The following NEK7 variants were observed in gnomAD, a reference collection of about 807,000 sequenced individuals.
The protein encoded by NEK7 is NIMA related kinase 7, also known as serine/threonine-protein kinase Nek7.
NEK7 carries 18 observed loss-of-function variants against 44.6 expected under a neutral mutation model. The observed-to-expected ratio is 0.40, with a 90% confidence interval of 0.28 to 0.60. The LOEUF (loss-of-function observed/expected upper bound fraction) is 0.60, where lower values mean the gene tolerates loss of function less well. NEK7 is among the 20% of genes least tolerant of loss of function. The probability of loss-of-function intolerance (pLI) is 0.38; values close to 1 mark genes in which losing one functional copy is unlikely to be tolerated. For synonymous variants in NEK7, 130 were observed against 121.1 expected, an observed-to-expected ratio of 1.07 and a Z score of -0.48; for missense variants, 256 against 366.5, an observed-to-expected ratio of 0.70 and a Z score of 2.46.
chr1:198,301,559 C>T (rs1464419580), intron 9 of NEK7, among the ~76,000 whole-genome samples: 1 of 152,118 alleles, frequency 6.6e-6, no homozygotes, highest in East Asian at 1.9e-4. Flanking sequence ...CAAAAACAAA[C>T]AAACAAAAAA....
intron 2 of NEK7, among the ~76,000 whole-genome samples, chr1:198,233,104 A>G (rs1403606815): frequency 6.6e-6 from 1 of 151,590 alleles, no homozygotes; most frequent in Middle Eastern, 3.4e-3. Context: ...AAAAAAAAAA[A>G]AGGTGAGACT....
chr1:198,225,841 T>A (rs576635663), intron 1 of NEK7, among the ~76,000 whole-genome samples: 8 of 152,282 alleles, frequency 5.3e-5, no homozygotes, highest in African/African-American at 1.9e-4. Context: ...TTTGGGGAGT[T>A]TTTTTTGTTT....
intron 1 of NEK7, among the ~76,000 whole-genome samples, chr1:198,170,141 T>C (rs997642124): frequency 1.3e-5 from 2 of 152,230 alleles, no homozygotes; most frequent in African/African-American, 2.4e-5. Flanking sequence ...GAATGGTCAC[T>C]GTCAGGATAT....
At chr1:198,198,954 A>G (rs1015509814) in intron 1 of NEK7, among the ~76,000 whole-genome samples, 3 of 152,204 alleles carry the variant, frequency 2.0e-5, no homozygotes, top group African/African-American at 4.8e-5. Context: ...TAATAATTGC[A>G]CTACTGCTTA....
intron 2 of NEK7, among the ~76,000 whole-genome samples, chr1:198,236,780 A>G (rs565592679): frequency 3.3e-5 from 5 of 152,126 alleles, no homozygotes; most frequent in Admixed American, 3.3e-4. Context: ...CCGTGCTACT[A>G]TGCTATTACT....
At chr1:198,232,200 T>G (rs1482925920) in intron 1 of NEK7, among the ~76,000 whole-genome samples, 1 of 152,130 alleles carries the variant, frequency 6.6e-6, no homozygotes. Flanking sequence ...TGTAAAACAT[T>G]GAGCATAATT....
intron 1 of NEK7, among the ~76,000 whole-genome samples, chr1:198,160,683 TC>T (rs1486179876): frequency 3.3e-5 from 5 of 152,112 alleles, no homozygotes. Context: ...AATTTAATTC[TC>T]CCCCCTCCAC....
At chr1:198,314,424 C>T (rs1249768620) in intron 9 of NEK7, among the ~76,000 whole-genome samples, 1 of 152,244 alleles carries the variant, frequency 6.6e-6, no homozygotes, top group Non-Finnish European at 1.5e-5. Context: ...AAGTCTTCTT[C>T]TCTCAGCTTG....
chr1:198,198,095 G>A, intron 1 of NEK7: 1 of 1,378,992 alleles, frequency 7.3e-7, no homozygotes. Flanking sequence ...TGGATTGATA[G>A]GTGGTGGGTG....
At chr1:198,241,206 T>G (rs1366219612) in intron 2 of NEK7, among the ~76,000 whole-genome samples, 1 of 152,258 alleles carries the variant, frequency 6.6e-6, no homozygotes, top group Admixed American at 6.5e-5. Flanking sequence ...ATATTTTGTC[T>G]TCCTTTATAT....
At chr1:198,295,752 A>G (rs934017243) in intron 8 of NEK7, among the ~76,000 whole-genome samples, 12 of 151,454 alleles carry the variant, frequency 7.9e-5, no homozygotes, top group Non-Finnish European at 1.6e-4. Context: ...TTATATATAC[A>G]GTGTATTTTT....
chr1:198,299,038 A>T (rs1261774621), intron 9 of NEK7, among the ~76,000 whole-genome samples: 1 of 152,236 alleles, frequency 6.6e-6, no homozygotes, highest in African/African-American at 2.4e-5. Context: ...AATAGATTCC[A>T]CTTTTTACTT....
chr1:198,158,365 A>G (rs1348622070), intron 1 of NEK7, among the ~76,000 whole-genome samples: 10 of 152,218 alleles, frequency 6.6e-5, no homozygotes, highest in Admixed American at 5.9e-4. Context: ...TGTAGAGCCT[A>G]ATGTACCCAT....
intron 2 of NEK7, 37 bp from the exon 3 acceptor site, chr1:198,253,001 TTG>T (rs781154737): frequency 1.3e-6 from 2 of 1,569,724 alleles, no homozygotes; most frequent in African/African-American, 2.7e-5. Flanking sequence ...TGCGTGTATA[TTG>T]TGTGATTGAA....
At chr1:198,204,423 A>G (rs939733199) in intron 1 of NEK7, among the ~76,000 whole-genome samples, 1 of 152,158 alleles carries the variant, frequency 6.6e-6, no homozygotes, top group Non-Finnish European at 1.5e-5. Flanking sequence ...TTGTTATTTT[A>G]AAAATGAAAC....
intron 1 of NEK7, among the ~76,000 whole-genome samples, chr1:198,216,875 C>T (rs1665937039): frequency 6.6e-6 from 1 of 151,806 alleles, no homozygotes; most frequent in Non-Finnish European, 1.5e-5. Context: ...AAAACGACAA[C>T]CCTTCTAGAT....
chr1:198,273,637 A>T (rs932671443), intron 5 of NEK7, among the ~76,000 whole-genome samples: 6 of 151,728 alleles, frequency 4.0e-5, no homozygotes, highest in African/African-American at 1.4e-4. Flanking sequence ...CTAATTACAA[A>T]CTTATAACAA....
At chr1:198,185,647 G>A (rs1162389258) in intron 1 of NEK7, among the ~76,000 whole-genome samples, 2 of 152,144 alleles carry the variant, frequency 1.3e-5, no homozygotes, top group Non-Finnish European at 2.9e-5. Flanking sequence ...TTTATAATGA[G>A]TGTGAGGACC....
chr1:198,251,868 A>G (rs1452911719), intron 2 of NEK7, among the ~76,000 whole-genome samples: 1 of 151,950 alleles, frequency 6.6e-6, no homozygotes, highest in African/African-American at 2.4e-5. Context: ...TTGTGTCTCT[A>G]TTTCCTTCAG....
Sources: allele counts gnomAD v4.1 joint callset (sites outside exome capture counted in the v4.1 genomes callset), GRCh38; gene constraint gnomAD v4.1.1; transcripts MANE v1.5; gene names NCBI Gene and HGNC (gene_info 2026-07-23, HGNC 2026-07-21).